PBX1: variants seen among roughly 807,000 people sequenced by gnomAD.
PBX1 encodes the protein PBX homeobox 1.
PBX1 carries 6 observed loss-of-function variants against 53.4 expected under a neutral mutation model. That is an observed-to-expected ratio of 0.11 (90% CI 0.06 to 0.22). PBX1 has a LOEUF of 0.22. Among genes scored for constraint, PBX1 ranks in the 10% least tolerant of loss-of-function variants. PBX1 has a pLI of 1.00. For missense variants in PBX1, 251 were observed against 551.4 expected, an observed-to-expected ratio of 0.46 and a Z score of 5.46; for synonymous variants, 204 against 212.3, an observed-to-expected ratio of 0.96 and a Z score of 0.34.
At chr1:164,873,424 A>G (rs1672427712) in intron 2 of PBX1, among the ~76,000 whole-genome samples, 1 of 152,206 alleles carries the variant, frequency 6.6e-6, no homozygotes, top group South Asian at 2.1e-4. Flanking sequence ...CCCCTTACCA[A>G]GTAGTAAATA....
intron 2 of PBX1, among the ~76,000 whole-genome samples, chr1:164,620,001 T>C (rs914738010): frequency 2.8e-4 from 42 of 152,170 alleles, no homozygotes; most frequent in African/African-American, 1.0e-3. Flanking sequence ...GAGACCAGCC[T>C]GGTCAACATA....
chr1:164,729,456 C>G (rs1272029746), intron 2 of PBX1, among the ~76,000 whole-genome samples: 1 of 151,812 alleles, frequency 6.6e-6, no homozygotes, highest in Admixed American at 6.6e-5. Context: ...ATATGGATAT[C>G]AAGATTTCAA....
chr1:164,692,291 CAG>C (rs575919637), intron 2 of PBX1, among the ~76,000 whole-genome samples: 2 of 152,158 alleles, frequency 1.3e-5, no homozygotes, highest in African/African-American at 2.4e-5. Context: ...GGTGTGAACT[CAG>C]AAGTGCCATA....
chr1:164,841,297 C>G (rs1671279110), intron 8 of PBX1, among the ~76,000 whole-genome samples: 1 of 152,168 alleles, frequency 6.6e-6, no homozygotes, highest in African/African-American at 2.4e-5. Flanking sequence ...GGGAAAGAAG[C>G]AGGCATGAGA....
At position 164,588,442 on chromosome 1, in the gene PBX1, A is replaced by AT. The variant is rs1335928403; in HGVS notation, c.265+25131_265+25132insT. Among the ~76,000 whole-genome samples, 5 of 147,750 alleles carry AT rather than the reference A, an allele frequency of 3.4e-5. 1 individual carries two copies. The highest frequency in any genetic ancestry group is 1.2e-4 in the African/African-American group (5 of 40,910). On this transcript the variant is annotated intron_variant, in intron 2 of 8. Transcript: ENST00000420696. The stretch of plus-strand genomic sequence containing the variant: ...GCACACACACACAGAGATGAGGAAA[A>AT]AGAGAAAAGAGAAATACACTCCGGA...
At chr1:164,588,473 C>CTTTTTTTTTTTT (rs371768861) in intron 2 of PBX1, among the ~76,000 whole-genome samples, 3 of 73,048 alleles carry the variant, frequency 4.1e-5, no homozygotes, top group East Asian at 5.7e-4. Flanking sequence ...CCGGACTAAG[C>CTTTTTTTTTTTT]TTTTTTTTTT....
intron 2 of PBX1, among the ~76,000 whole-genome samples, chr1:164,739,249 G>A (rs777314242): frequency 2.6e-4 from 40 of 152,174 alleles, no homozygotes; most frequent in Non-Finnish European, 5.3e-4. Flanking sequence ...ATGTGTTTCT[G>A]TTCATTTGCC....
intron 2 of PBX1, among the ~76,000 whole-genome samples, chr1:164,722,543 ACT>A (rs1176920454): frequency 6.6e-6 from 1 of 152,170 alleles, no homozygotes; most frequent in African/African-American, 2.4e-5. Flanking sequence ...TCCACAGAAG[ACT>A]CTGCATGCCT....
At chr1:164,835,778 A>G (rs1671008562) in intron 8 of PBX1, among the ~76,000 whole-genome samples, 1 of 152,188 alleles carries the variant, frequency 6.6e-6, no homozygotes, top group Non-Finnish European at 1.5e-5. Flanking sequence ...ATTTCTGTGT[A>G]AAGTTCTTCA....
intron 2 of PBX1, among the ~76,000 whole-genome samples, chr1:164,563,649 A>G (rs1653219464): frequency 6.6e-6 from 1 of 152,128 alleles, no homozygotes; most frequent in African/African-American, 2.4e-5. Context: ...TTTAAGGAAT[A>G]TATTTTGGCC....
At chr1:164,619,702 A>G (rs946249939) in intron 2 of PBX1, among the ~76,000 whole-genome samples, 5 of 151,586 alleles carry the variant, frequency 3.3e-5, no homozygotes, top group Non-Finnish European at 7.4e-5. Context: ...TTTTTTCCCC[A>G]TGGAATTTCA....
At chr1:164,885,783 T>C (rs1045691127) in intron 2 of PBX1, among the ~76,000 whole-genome samples, 2 of 152,170 alleles carry the variant, frequency 1.3e-5, no homozygotes, top group Non-Finnish European at 2.9e-5. Context: ...TTCACTCAAC[T>C]TACCTTTTTG....
At chr1:164,854,139 C>T (rs954643702), downstream of PBX1, 3 of 151,940 alleles carry the variant, frequency 2.0e-5, no homozygotes, top group Non-Finnish European at 4.4e-5. Context: ...CTCCTGGCCT[C>T]AAGTGATCCT....
rs1381837178 is a variant in PBX1, at chr1:164,848,074, A to G, written c.*1398A>G. On this transcript the variant is annotated 3_prime_UTR_variant, in exon 9 of 9. Coordinates refer to ENST00000420696, the MANE Select transcript of PBX1 (RefSeq NM_002585.4). Reference sequence around the variant, plus strand: ...GCTCTGGAGGAAAGAGTTGTATAAGAACGTGGCTCATGTGAACTTTTGCTA... The same window carrying G: ...GCTCTGGAGGAAAGAGTTGTATAAGGACGTGGCTCATGTGAACTTTTGCTA... 9.5e-7 allele frequency: 1 copy of G among 1,051,970 alleles called. No homozygotes were observed. Among genetic ancestry groups the G allele is most frequent in the Non-Finnish European group, 1.1e-6 (1 of 870,930 alleles). The allele number at this position is 1,051,970 out of a possible 1,614,324, so 65.2% of individuals were successfully genotyped here. A position where few individuals can be genotyped will look rare whatever the true frequency, so the allele number is the denominator to read the frequency against.
chr1:164,678,481 T>A (rs1292386358), intron 2 of PBX1, among the ~76,000 whole-genome samples: 1 of 152,212 alleles, frequency 6.6e-6, no homozygotes, highest in Non-Finnish European at 1.5e-5. Flanking sequence ...AAATTGCATT[T>A]TTGATGAGCA....
intron 2 of PBX1, among the ~76,000 whole-genome samples, chr1:164,581,123 A>G (rs1354664461): frequency 3.3e-5 from 5 of 152,044 alleles, no homozygotes; most frequent in Admixed American, 1.3e-4. Flanking sequence ...CAGTGATTCT[A>G]CGTGGTGCGG....
intron 2 of PBX1, among the ~76,000 whole-genome samples, chr1:164,687,497 G>A (rs1329414271): frequency 6.7e-6 from 1 of 149,628 alleles, no homozygotes; most frequent in Non-Finnish European, 1.5e-5. Flanking sequence ...CTTGGGGGTC[G>A]AGGCTGTAGC....
intron 2 of PBX1, among the ~76,000 whole-genome samples, chr1:164,783,392 C>T (rs567811274): frequency 6.6e-6 from 1 of 152,004 alleles, no homozygotes; most frequent in Admixed American, 6.6e-5. Flanking sequence ...TGGGGGGTGT[C>T]TGTGTGCATT....
rs367992236 is a variant in PBX1, at chr1:164,748,707, T to C, written c.266-43787T>C. On this transcript the variant is annotated intron_variant, in intron 2 of 8. Coordinates refer to ENST00000420696, the MANE Select transcript of PBX1 (RefSeq NM_002585.4). ...CCTGGATCTCTGATGAGAATGAGAA[T>C]TGTGGTCATGGGAAGCATATGGCCA... Among the ~76,000 whole-genome samples the C allele has an allele frequency of 5.3e-5, 8 of 152,196 alleles. No individual in the cohort carries two copies. The East Asian group carries it at 1.2e-3, about 22-fold the overall frequency.
Sources: gnomAD v4.1 joint callset for allele counts (sites outside exome capture counted in the v4.1 genomes callset) on GRCh38, gnomAD v4.1.1 for gene constraint, MANE v1.5 for transcripts, NCBI Gene and HGNC (gene_info 2026-07-23, HGNC 2026-07-21) for gene names.